Variants in TMEM117 observed in about 807,000 individuals in gnomAD.
TMEM117 encodes the protein transmembrane protein 117.
Under a neutral mutation model 52.4 loss-of-function variants are expected in TMEM117, and 27 were observed. That is an observed-to-expected ratio of 0.51 (90% CI 0.38 to 0.71). The LOEUF (loss-of-function observed/expected upper bound fraction) is 0.71, where lower values mean the gene tolerates loss of function less well. Ranked by LOEUF, TMEM117 falls within the 30% of genes least tolerant of loss-of-function variation. TMEM117 has a pLI of 0.00. For missense variants in TMEM117, 556 were observed against 630.5 expected, an observed-to-expected ratio of 0.88 and a Z score of 1.26; for synonymous variants, 215 against 206.3, an observed-to-expected ratio of 1.04 and a Z score of -0.36.
chr12:43,797,911 T>C, the TMEM117 span: 2 of 1,441,694 alleles, frequency 1.4e-6, no homozygotes, highest in South Asian at 1.3e-5. Flanking sequence ...CCAACCTCTA[T>C]AAAATAGTAT....
chr12:44,063,879 G>A (rs1947181082), intron 3 of TMEM117, among the ~76,000 whole-genome samples: 1 of 152,142 alleles, frequency 6.6e-6, no homozygotes, highest in Non-Finnish European at 1.5e-5. Context: ...GGGGCAACCA[G>A]CGAAGGAGCT....
intron 3 of TMEM117, among the ~76,000 whole-genome samples, chr12:43,992,792 A>C (rs1355244826): frequency 3.3e-5 from 5 of 152,148 alleles, no homozygotes; most frequent in Non-Finnish European, 7.4e-5. Flanking sequence ...TGTTCGACTC[A>C]TCATTCAAGG....
At chr12:43,975,619 G>A (rs117260966) in intron 3 of TMEM117, among the ~76,000 whole-genome samples, 2,152 of 152,190 alleles carry the variant, frequency 0.014, 20 homozygotes, top group Middle Eastern at 0.024. Flanking sequence ...AGTTTTCCTA[G>A]GTATAAAGTA....
At chr12:44,355,929 G>A (rs1951641618) in intron 6 of TMEM117, among the ~76,000 whole-genome samples, 1 of 152,066 alleles carries the variant, frequency 6.6e-6, no homozygotes, top group Non-Finnish European at 1.5e-5. Flanking sequence ...GTTTCATAAA[G>A]ATTGGTGGCT....
chr12:44,011,659 T>TATACATACATACATACATAC (rs113611924), intron 3 of TMEM117, among the ~76,000 whole-genome samples: 15 of 151,568 alleles, frequency 9.9e-5, no homozygotes, highest in African/African-American at 3.4e-4. Context: ...TATTCCTTAC[T>TATACATACATACATACATAC]ATACATACAT....
chr12:43,921,627 C>G (rs1353164777), intron 2 of TMEM117, among the ~76,000 whole-genome samples: 1 of 152,146 alleles, frequency 6.6e-6, no homozygotes, highest in Non-Finnish European at 1.5e-5. Context: ...CTGATTTTCT[C>G]TATTCTCATA....
the TMEM117 span, among the ~76,000 whole-genome samples, chr12:43,812,805 G>A: frequency 6.7e-6 from 1 of 148,494 alleles, no homozygotes; most frequent in Admixed American, 6.8e-5. Context: ...AGGAGTTCGA[G>A]ACCAGCCTGG....
intron 4 of TMEM117, among the ~76,000 whole-genome samples, chr12:44,182,242 T>A (rs935612893): frequency 1.2e-4 from 19 of 152,278 alleles, no homozygotes; most frequent in Admixed American, 3.3e-4. Context: ...TATCAGCTTA[T>A]GGAGATTTTG....
intron 3 of TMEM117, among the ~76,000 whole-genome samples, chr12:43,984,011 T>C (rs1034133559): frequency 6.6e-6 from 1 of 152,188 alleles, no homozygotes; most frequent in Admixed American, 6.5e-5. Context: ...GGAAAGCCAC[T>C]GTTACCCCAT....
rs142046499 is a variant in TMEM117, at chr12:44,373,771, C to CTTT, written c.769-2798_769-2796dup. On this transcript the variant is annotated intron_variant, in intron 6 of 7. Coordinates refer to ENST00000266534, the MANE Select transcript of TMEM117 (RefSeq NM_032256.3). The stretch of plus-strand genomic sequence containing the variant: ...TTCACCAGCCTAGGATGTCCATTTC[C>CTTT]TTTTTTTTTTTTTTTTTTTTTTTTT... Among the ~76,000 whole-genome samples, 179 of 60,080 alleles carry CTTT rather than the reference C, an allele frequency of 3.0e-3. 19 individuals are homozygous for CTTT. The highest frequency in any genetic ancestry group is 3.5e-3 in the African/African-American group (49 of 13,914). 39.4% of individuals were successfully genotyped at this position (60,080 alleles called of 152,430 possible). A position where few individuals can be genotyped will look rare whatever the true frequency, so the allele number is the denominator to read the frequency against.
At chr12:44,007,846 A>G (rs1259826950) in intron 3 of TMEM117, among the ~76,000 whole-genome samples, 1 of 152,128 alleles carries the variant, frequency 6.6e-6, no homozygotes, top group South Asian at 2.1e-4. Flanking sequence ...CATGTAAGTC[A>G]TGACTTGCTC....
At chr12:43,940,293 TCTC>T (rs766165111) in intron 2 of TMEM117, among the ~76,000 whole-genome samples, 4 of 152,104 alleles carry the variant, frequency 2.6e-5, no homozygotes, top group Non-Finnish European at 4.4e-5. Context: ...CACTTCTCCT[TCTC>T]CTCTGAGACT....
At chr12:44,183,641 G>A (rs1035645072) in intron 4 of TMEM117, among the ~76,000 whole-genome samples, 1 of 152,150 alleles carries the variant, frequency 6.6e-6, no homozygotes, top group South Asian at 2.1e-4. Context: ...GCAAGTGAAA[G>A]TGGGTTTTAA....
intron 6 of TMEM117, among the ~76,000 whole-genome samples, chr12:44,325,796 G>A (rs928600572): frequency 2.6e-5 from 4 of 152,150 alleles, no homozygotes; most frequent in African/African-American, 7.2e-5. Context: ...GTCCATGCGT[G>A]TATACAAATT....
At chr12:44,157,562 A>G (rs1251507476) in intron 4 of TMEM117, among the ~76,000 whole-genome samples, 2 of 152,142 alleles carry the variant, frequency 1.3e-5, no homozygotes, top group East Asian at 3.8e-4. Flanking sequence ...TCACTATTTT[A>G]CATAGCAGCC....
intron 6 of TMEM117, among the ~76,000 whole-genome samples, chr12:44,316,661 G>T (rs1485389491): frequency 6.6e-6 from 1 of 152,070 alleles, no homozygotes; most frequent in African/African-American, 2.4e-5. Flanking sequence ...TTGTACTATT[G>T]CTTCAAATAT....
intron 6 of TMEM117, among the ~76,000 whole-genome samples, chr12:44,327,808 A>G (rs1951216422): frequency 6.6e-6 from 1 of 152,112 alleles, no homozygotes; most frequent in East Asian, 1.9e-4. Flanking sequence ...GTGCAGGAAA[A>G]GTTCCGAGTC....
intron 2 of TMEM117, among the ~76,000 whole-genome samples, chr12:43,855,098 A>T (rs931647778): frequency 6.6e-6 from 1 of 152,224 alleles, no homozygotes; most frequent in Non-Finnish European, 1.5e-5. Context: ...ATAAGTAAAG[A>T]CCACAGACAG....
At chr12:43,804,241 CTGAGACACAAAA>C in the TMEM117 span, 1 of 491,248 alleles carries the variant, frequency 2.0e-6, no homozygotes, top group Admixed American at 2.5e-5. Flanking sequence ...GGTGCAGAAA[CTGAGACACAAAA>C]AGTAAAAGAG....
Sources: gnomAD v4.1 joint callset for allele counts (sites outside exome capture counted in the v4.1 genomes callset) on GRCh38, gnomAD v4.1.1 for gene constraint, MANE v1.5 for transcripts, NCBI Gene and HGNC (gene_info 2026-07-23, HGNC 2026-07-21) for gene names.